The following LARGE1 variants were observed in gnomAD, a reference collection of about 807,000 sequenced individuals.
LARGE1 encodes xylosyl- and glucuronyltransferase LARGE1.
A neutral mutation model predicts 87.6 loss-of-function variants in LARGE1; 43 were observed. The ratio of observed to expected loss-of-function variants is 0.49; its 90% CI spans 0.38 to 0.63. The LOEUF (loss-of-function observed/expected upper bound fraction) is 0.63, where lower values mean the gene tolerates loss of function less well. Ranked by LOEUF, LARGE1 falls within the 30% of genes least tolerant of loss-of-function variation. The probability of loss-of-function intolerance (pLI) is 0.00; values close to 1 mark genes in which losing one functional copy is unlikely to be tolerated. For synonymous variants in LARGE1, 434 were observed against 394.6 expected, an observed-to-expected ratio of 1.10 and a Z score of -1.18; for missense variants, 802 against 1,000.2, an observed-to-expected ratio of 0.80 and a Z score of 2.67.
At chr22:33,413,336 A>C (rs2066377687) in intron 7 of LARGE1, among the ~76,000 whole-genome samples, 1 of 152,094 alleles carries the variant, frequency 6.6e-6, no homozygotes, top group Admixed American at 6.6e-5. Context: ...CAGTTTATTA[A>C]ATGCCTGCTA....
chr22:33,447,715 G>C (rs1046609184), intron 6 of LARGE1, among the ~76,000 whole-genome samples: 1 of 152,158 alleles, frequency 6.6e-6, no homozygotes, highest in East Asian at 1.9e-4. Context: ...CTGGGCGTGG[G>C]GTAAGTCCCT....
intron 2 of LARGE1, among the ~76,000 whole-genome samples, chr22:33,687,912 A>G (rs2081990823): frequency 6.6e-6 from 1 of 152,088 alleles, no homozygotes; most frequent in African/African-American, 2.4e-5. Flanking sequence ...ACATAATACA[A>G]TGTCATACCT....
intron 6 of LARGE1, among the ~76,000 whole-genome samples, chr22:33,464,117 C>A (rs11704267): frequency 2.4e-4 from 36 of 152,176 alleles, no homozygotes; most frequent in Non-Finnish European, 3.4e-4. Flanking sequence ...AATACATAAA[C>A]AACCAATGGA....
intron 1 of LARGE1, among the ~76,000 whole-genome samples, chr22:33,770,266 T>A (rs1302690991): frequency 6.6e-6 from 1 of 152,240 alleles, no homozygotes; most frequent in Admixed American, 6.5e-5. Flanking sequence ...TTGAAGATAC[T>A]AAAATAATGT....
chr22:33,762,781 C>G (rs972439857), intron 1 of LARGE1, among the ~76,000 whole-genome samples: 3 of 152,156 alleles, frequency 2.0e-5, no homozygotes, highest in Non-Finnish European at 4.4e-5. Context: ...AATCATGAAA[C>G]CTACAAAGGA....
At chr22:33,318,170 G>T (rs755527433) in intron 10 of LARGE1, among the ~76,000 whole-genome samples, 1 of 150,914 alleles carries the variant, frequency 6.6e-6, no homozygotes, top group African/African-American at 2.5e-5. Flanking sequence ...AGGGGGCAGA[G>T]GTTGCAGTGA....
At chr22:33,584,622 T>A (rs1049081875) in intron 5 of LARGE1, among the ~76,000 whole-genome samples, 1 of 152,018 alleles carries the variant, frequency 6.6e-6, no homozygotes, top group Non-Finnish European at 1.5e-5. Context: ...CAGCTACCTA[T>A]TAAATAGAGT....
chr22:33,632,616 C>G (rs2080146057), intron 3 of LARGE1, among the ~76,000 whole-genome samples: 1 of 152,074 alleles, frequency 6.6e-6, no homozygotes, highest in Admixed American at 6.5e-5. Flanking sequence ...TGCCTCCCCT[C>G]AGCCCTGCCC....
intron 1 of LARGE1, among the ~76,000 whole-genome samples, chr22:33,791,692 T>C (rs1354766579): frequency 6.6e-6 from 1 of 152,212 alleles, no homozygotes; most frequent in East Asian, 1.9e-4. Flanking sequence ...GAGATTATTA[T>C]ATAGAAATCA....
intron 2 of LARGE1, among the ~76,000 whole-genome samples, chr22:33,750,345 C>T (rs796456774): frequency 6.6e-6 from 1 of 152,232 alleles, no homozygotes; most frequent in African/African-American, 2.4e-5. Flanking sequence ...TTAGGGAAAG[C>T]CAAAAATCAT....
chr22:33,685,685 T>C (rs1053439189), intron 2 of LARGE1, among the ~76,000 whole-genome samples: 1 of 152,172 alleles, frequency 6.6e-6, no homozygotes, highest in East Asian at 1.9e-4. Context: ...CAGAACTGGG[T>C]TCTAATTCTA....
At chr22:33,555,317 T>C (rs1313685129) in intron 6 of LARGE1, among the ~76,000 whole-genome samples, 1 of 152,070 alleles carries the variant, frequency 6.6e-6, no homozygotes, top group Admixed American at 6.5e-5. Context: ...TGTATCCTGG[T>C]ACCTGGGTCT....
chr22:33,213,439 C>T (rs1441536946), intron 11 of LARGE1, among the ~76,000 whole-genome samples: 2 of 152,184 alleles, frequency 1.3e-5, no homozygotes, highest in Admixed American at 1.3e-4. Flanking sequence ...GGATAAAACG[C>T]TATCAAACAG....
chr22:33,634,667 A>T (rs1485380303), intron 3 of LARGE1, among the ~76,000 whole-genome samples: 1 of 147,356 alleles, frequency 6.8e-6, no homozygotes, highest in Admixed American at 6.6e-5. Flanking sequence ...CTGCAAAAAA[A>T]ATTTCAAAAT....
chr22:33,669,923 G>T (rs2081362337), intron 2 of LARGE1, among the ~76,000 whole-genome samples: 1 of 152,198 alleles, frequency 6.6e-6, no homozygotes, highest in African/African-American at 2.4e-5. Flanking sequence ...CTGCACTGTT[G>T]TTGGTATTAT....
intron 12 of LARGE1, among the ~76,000 whole-genome samples, chr22:33,286,720 A>G (rs1261820546): frequency 6.6e-6 from 1 of 152,240 alleles, no homozygotes; most frequent in Non-Finnish European, 1.5e-5. Flanking sequence ...TGGGCAAGAT[A>G]TAAAGACACA....
rs114558328 is a variant in LARGE1, at chr22:33,650,385, C to G, written c.390G>C (p.Pro130=). 3 of 1,614,126 alleles carry G rather than the reference C, an allele frequency of 1.9e-6. No individual in the cohort carries two copies. Among genetic ancestry groups the G allele is most frequent in the Non-Finnish European group, 2.5e-6 (3 of 1,180,040 alleles). Reference sequence around the variant, plus strand: ...CCTTTACCTCGCATTTCTCCACGACCGGCTGCTGCCCACACTCGGAGCTGT... The same window carrying G: ...CCTTTACCTCGCATTTCTCCACGACGGGCTGCTGCCCACACTCGGAGCTGT... ...AGNSSECGQQ[P]VVEKCETIHV... The change falls in exon 3 of 15, where the codon CCG becomes CCC. Residue 130 remains proline (P), a synonymous_variant. Coordinates refer to ENST00000397394, the MANE Select transcript of LARGE1 (RefSeq NM_133642.5).
At chr22:33,568,071 G>A (rs1446935086) in intron 5 of LARGE1, among the ~76,000 whole-genome samples, 1 of 152,188 alleles carries the variant, frequency 6.6e-6, no homozygotes, top group Non-Finnish European at 1.5e-5. Flanking sequence ...GTTACTTGAG[G>A]AGGGGAAGAG....
At position 33,567,636 on chromosome 22, in the gene LARGE1, G is replaced by A. The variant is rs570811745; in HGVS notation, c.616-2617C>T. Reference sequence around the variant, plus strand: ...AAAATTTTTAATTTTAGATTCTGGGGGTACACACGCATTTTTGTTACATGG... The same window carrying A: ...AAAATTTTTAATTTTAGATTCTGGGAGTACACACGCATTTTTGTTACATGG... On this transcript the variant is annotated intron_variant, in intron 5 of 14. Coordinates refer to ENST00000397394, the MANE Select transcript of LARGE1 (RefSeq NM_133642.5). 2.0e-3 allele frequency among the ~76,000 whole-genome samples: 305 copies of A among 152,098 alleles called. 2 individuals carry two copies. Among genetic ancestry groups the A allele is most frequent in the African/African-American group, 6.9e-3 (288 of 41,470 alleles).
Sources: allele counts gnomAD v4.1 joint callset (sites outside exome capture counted in the v4.1 genomes callset), GRCh38; gene constraint gnomAD v4.1.1; transcripts MANE v1.5; gene names NCBI Gene and HGNC (gene_info 2026-07-23, HGNC 2026-07-21).